WWTR1: variants seen among roughly 807,000 people sequenced by gnomAD.
WWTR1 encodes the protein WW domain-containing transcription regulator protein 1.
In WWTR1, 13 loss-of-function variants were observed where a neutral mutation model predicts 40.1. The ratio of observed to expected loss-of-function variants is 0.32; its 90% CI spans 0.21 to 0.52. The LOEUF is 0.52. Ranked by LOEUF, WWTR1 falls within the 20% of genes least tolerant of loss-of-function variation. WWTR1 has a pLI of 0.97. For missense variants in WWTR1, 436 were observed against 523.1 expected (o/e 0.83, Z 1.63); for synonymous variants, 230 against 210.1 (o/e 1.09, Z -0.82).
chr3:149,528,016 G>A (rs1458235132), intron 4 of WWTR1, 47 bp from the exon 5 acceptor site: 2 of 1,590,230 alleles, frequency 1.3e-6, no homozygotes, highest in South Asian at 2.3e-5. Context: ...TTGTCACAAG[G>A]CATGGAGCAA....
At chr3:149,591,180 C>G (rs568547686) in intron 2 of WWTR1, among the ~76,000 whole-genome samples, 46 of 152,270 alleles carry the variant, frequency 3.0e-4, no homozygotes, top group African/African-American at 9.9e-4. Flanking sequence ...CAACTCTCCA[C>G]TATGACCTAA....
chr3:149,623,253 C>T (rs1215511647), intron 2 of WWTR1, among the ~76,000 whole-genome samples: 1 of 152,148 alleles, frequency 6.6e-6, no homozygotes, highest in Non-Finnish European at 1.5e-5. Flanking sequence ...ATCCCAGCTA[C>T]TCAGGAGGCT....
chr3:149,667,428 G>C (rs1306456337), intron 2 of WWTR1, among the ~76,000 whole-genome samples: 2 of 151,746 alleles, frequency 1.3e-5, no homozygotes, highest in Non-Finnish European at 2.9e-5. Flanking sequence ...GGCACCTGTA[G>C]TCCCAGCTAC....
chr3:149,651,328 C>A (rs1195292990), intron 2 of WWTR1, among the ~76,000 whole-genome samples: 1 of 151,870 alleles, frequency 6.6e-6, no homozygotes, highest in African/African-American at 2.4e-5. Flanking sequence ...GAGGGATAAA[C>A]CAAAAAAATA....
chr3:149,566,341 C>T (rs185424790), intron 3 of WWTR1, among the ~76,000 whole-genome samples: 2 of 152,226 alleles, frequency 1.3e-5, no homozygotes, highest in East Asian at 3.9e-4. Context: ...ACACCTACAA[C>T]ACCCACAACA....
chr3:149,705,412 G>T (rs1715306263), upstream of WWTR1, among the ~76,000 whole-genome samples: 1 of 152,170 alleles, frequency 6.6e-6, no homozygotes, highest in African/African-American at 2.4e-5. Context: ...TCAAGACCAA[G>T]AATTCAAATG....
chr3:149,551,759 G>A (rs752515969), intron 3 of WWTR1, among the ~76,000 whole-genome samples: 3 of 145,300 alleles, frequency 2.1e-5, no homozygotes, highest in African/African-American at 7.9e-5. Context: ...ACTCAGGGCA[G>A]CAGAACTCAA....
intron 4 of WWTR1, among the ~76,000 whole-genome samples, chr3:149,534,852 G>A (rs1048295697): frequency 8.5e-5 from 13 of 152,180 alleles, no homozygotes; most frequent in African/African-American, 3.1e-4. Flanking sequence ...TGGAGGACGG[G>A]TGATGTGTAA....
At chr3:149,584,039 TA>T (rs1383231355) in intron 2 of WWTR1, among the ~76,000 whole-genome samples, 1 of 152,246 alleles carries the variant, frequency 6.6e-6, no homozygotes, top group Admixed American at 6.5e-5. Context: ...CTCTAAATGC[TA>T]AAATACTTTG....
Position 149,521,001 on chromosome 3 carries a change from TGAAAA to T in WWTR1, c.1019-17_1019-13del. Reference sequence around the variant, plus strand: ...TCCTGCGTTTTCTCCTATAACAAAATGAAAAGAAACCATTTTAATTCCTTCTTTTA... The same window carrying T: ...TCCTGCGTTTTCTCCTATAACAAAATGAAACCATTTTAATTCCTTCTTTTA... On this transcript the variant is annotated splice_polypyrimidine_tract_variant and intron_variant, in intron 6 of 6. Coordinates refer to ENST00000360632, the MANE Select transcript of WWTR1 (RefSeq NM_015472.6). 1 of 1,565,798 alleles carries T rather than the reference TGAAAA, an allele frequency of 6.4e-7. No homozygotes were observed. The highest frequency in any genetic ancestry group is 8.6e-7 in the Non-Finnish European group (1 of 1,160,732).
intron 2 of WWTR1, among the ~76,000 whole-genome samples, chr3:149,647,135 T>C (rs982456188): frequency 1.3e-5 from 2 of 152,138 alleles, no homozygotes; most frequent in Admixed American, 1.3e-4. Context: ...GATACATGCA[T>C]GCTTGTACTC....
At chr3:149,653,093 AGAG>A (rs1425406442) in intron 2 of WWTR1, among the ~76,000 whole-genome samples, 1 of 152,238 alleles carries the variant, frequency 6.6e-6, no homozygotes, top group Non-Finnish European at 1.5e-5. Flanking sequence ...ATTGTATTTA[AGAG>A]GAGGATAAAA....
intron 1 of WWTR1, among the ~76,000 whole-genome samples, chr3:149,686,382 G>A (rs1714653733): frequency 6.6e-6 from 1 of 152,136 alleles, no homozygotes; most frequent in Non-Finnish European, 1.5e-5. Flanking sequence ...AGCTAGGGAT[G>A]GTGGCCAGTA....
At chr3:149,635,303 A>G (rs982041037) in intron 2 of WWTR1, among the ~76,000 whole-genome samples, 7 of 152,236 alleles carry the variant, frequency 4.6e-5, no homozygotes, top group Non-Finnish European at 1.0e-4. Flanking sequence ...ATTCAAATGA[A>G]GCTAGAATTT....
intron 1 of WWTR1, among the ~76,000 whole-genome samples, chr3:149,682,546 T>C (rs1714493154): frequency 6.6e-6 from 1 of 152,164 alleles, no homozygotes; most frequent in African/African-American, 2.4e-5. Flanking sequence ...AAGAGAAGCA[T>C]ACTCCTCTAC....
chr3:149,543,680 T>C (rs2107940533), intron 3 of WWTR1, among the ~76,000 whole-genome samples: 1 of 150,384 alleles, frequency 6.6e-6, no homozygotes, highest in East Asian at 1.9e-4. Context: ...AATGCATTTA[T>C]AAAAGTGCTA....
At chr3:149,576,215 G>C (rs976131516) in intron 2 of WWTR1, 17 of 406,606 alleles carry the variant, frequency 4.2e-5, no homozygotes, top group Non-Finnish European at 7.9e-5. Flanking sequence ...AATGCAACAA[G>C]TAAGAGTGAG....
chr3:149,700,436 G>A (rs368623703), intron 1 of WWTR1, among the ~76,000 whole-genome samples: 48 of 152,280 alleles, frequency 3.2e-4, no homozygotes, highest in African/African-American at 1.1e-3. Context: ...TACAGAAAGG[G>A]TGAATTAATC....
intron 2 of WWTR1, among the ~76,000 whole-genome samples, chr3:149,655,949 C>A (rs1428133193): frequency 6.6e-6 from 1 of 152,178 alleles, no homozygotes; most frequent in Non-Finnish European, 1.5e-5. Flanking sequence ...ACTGGCAGTG[C>A]AGGCAATCCT....
Sources: gnomAD v4.1 joint callset for allele counts (sites outside exome capture counted in the v4.1 genomes callset) on GRCh38, gnomAD v4.1.1 for gene constraint, MANE v1.5 for transcripts, NCBI Gene and HGNC (gene_info 2026-07-23, HGNC 2026-07-21) for gene names.